MYOM1: variants seen among roughly 807,000 people sequenced by gnomAD.
MYOM1 encodes the protein myomesin 1.
Under a neutral mutation model 205.3 loss-of-function variants are expected in MYOM1, and 164 were observed. The observed-to-expected ratio is 0.80, with a 90% CI of 0.70 to 0.91. The LOEUF (loss-of-function observed/expected upper bound fraction) is 0.91, where lower values mean the gene tolerates loss of function less well. Among genes scored for constraint, MYOM1 ranks in the 40% least tolerant of loss-of-function variants. The probability of loss-of-function intolerance (pLI) is 0.00; values close to 1 mark genes in which losing one functional copy is unlikely to be tolerated. For synonymous variants in MYOM1, 772 were observed against 789.4 expected, an observed-to-expected ratio of 0.98 and a Z score of 0.37; for missense variants, 2,011 against 2,127.3, an observed-to-expected ratio of 0.95 and a Z score of 1.08.
Position 3,166,942 on chromosome 18 carries a change from G to A in MYOM1, c.1339+1875C>T, listed in dbSNP as rs563482107. On this transcript the variant is annotated intron_variant, in intron 9 of 37. Coordinates refer to ENST00000356443, the MANE Select transcript of MYOM1 (RefSeq NM_003803.4). The stretch of plus-strand genomic sequence containing the variant: ...AGAAAACTTTAAGATAAATTAAAAG[G>A]GATGATGAAAGTCCCTAGGCCTTAT... 7.2e-5 allele frequency among the ~76,000 whole-genome samples: 11 copies of A among 152,224 alleles called. No individual in the cohort carries two copies. In the South Asian group the frequency reaches 1.9e-3, roughly 26 times the overall value.
At chr18:3,180,711 C>T (rs7238703) in intron 5 of MYOM1, among the ~76,000 whole-genome samples, 94,641 of 151,898 alleles carry the variant, frequency 0.62, 29,813 homozygotes, top group African/African-American at 0.7. Context: ...CTATGAATTG[C>T]TAATGAGCTT....
chr18:3,193,791 A>G, intron 3 of MYOM1, 27 bp downstream of exon 3: 1 of 1,602,330 alleles, frequency 6.2e-7, no homozygotes, highest in South Asian at 1.1e-5. Flanking sequence ...CTTAAAAATT[A>G]AAGCCAGGAA....
intron 10 of MYOM1, among the ~76,000 whole-genome samples, chr18:3,161,318 G>A (rs999022705): frequency 2.6e-5 from 4 of 152,184 alleles, no homozygotes; most frequent in Non-Finnish European, 5.9e-5. Flanking sequence ...GTTCAATGCC[G>A]ATGTGGTGTG....
chr18:3,084,197 T>C (rs1344642481), intron 31 of MYOM1, among the ~76,000 whole-genome samples, 170 bp from the exon 32 acceptor site: 1 of 152,224 alleles, frequency 6.6e-6, no homozygotes, highest in Non-Finnish European at 1.5e-5. Flanking sequence ...TAGTTCAATT[T>C]TATCAGGTTT....
chr18:3,130,496 G>A (rs1006629707), intron 17 of MYOM1, among the ~76,000 whole-genome samples: 1 of 152,022 alleles, frequency 6.6e-6, no homozygotes, highest in Admixed American at 6.6e-5. Context: ...TTGTTGTCCA[G>A]GGTGGAGTGC....
At chr18:3,173,573 C>CGTGTGTGTGTGTGTGTGT (rs71159051) in intron 8 of MYOM1, among the ~76,000 whole-genome samples, 14 of 136,912 alleles carry the variant, frequency 1.0e-4, no homozygotes, top group African/African-American at 3.0e-4. Context: ...AGTCCAGACT[C>CGTGTGTGTGTGTGTGTGT]GTGTGTGTGT....
rs762481691 is a variant in MYOM1 at position 3,126,773 on chromosome 18, G to A, written c.2919C>T (p.Arg973=). The A allele has an allele frequency of 1.9e-5, 31 of 1,613,682 alleles. No homozygotes were observed. The Admixed American group carries it at 3.2e-4, about 16-fold the overall frequency. Residue 973 remains arginine, a synonymous_variant, in exon 19 of 38, where the codon CGC becomes CGT. Transcript: ENST00000356443. ...TTCCTGGTACCCCATCAATGACCTC[G>A]CGATAGTTCACATAATAGCCAGTAA... ...AEITGYYVNY[R]EVIDGVPGKW...
At chr18:3,199,839 CAA>C (rs796607761) in intron 2 of MYOM1, among the ~76,000 whole-genome samples, 1 of 139,610 alleles carries the variant, frequency 7.2e-6, no homozygotes. Context: ...GACTCCGTCT[CAA>C]AAAAAAAAAA....
chr18:3,214,612 T>A (rs1381872584), intron 2 of MYOM1, among the ~76,000 whole-genome samples: 1 of 151,952 alleles, frequency 6.6e-6, no homozygotes, highest in Admixed American at 6.6e-5. Flanking sequence ...ACACCTGAGG[T>A]CAGGGGCTCA....
chr18:3,151,634 G>T, intron 12 of MYOM1, 60 bp downstream of exon 12: 1 of 1,449,810 alleles, frequency 6.9e-7, no homozygotes, highest in Non-Finnish European at 9.4e-7. Context: ...CAATGAAGCT[G>T]ATTCTTGCAG....
rs144921665 is a variant in MYOM1, at chr18:3,179,376, G to A, written c.930-3242C>T. ...GATGATTTTATTTTAAATAAATAGC[G>A]ATGAGGTCTCACTATGTTGCTCAAG... On this transcript the variant is annotated intron_variant, in intron 5 of 37. Coordinates refer to ENST00000356443, the MANE Select transcript of MYOM1 (RefSeq NM_003803.4). This position sits in a 1 kb window ranked among gnomAD's most constrained non-coding sequence, Gnocchi z 4.4. Among the ~76,000 whole-genome samples the A allele has an allele frequency of 1.3e-5, 2 of 152,220 alleles. No homozygotes were observed. The highest frequency in any genetic ancestry group is 1.9e-4 in the East Asian group (1 of 5,186).
At chr18:3,240,674 TA>T in the MYOM1 span, among the ~76,000 whole-genome samples, 2 of 152,200 alleles carry the variant, frequency 1.3e-5, no homozygotes, top group African/African-American at 4.8e-5. Context: ...GCTGAAAAGA[TA>T]CCCAAAAATG....
Position 3,108,045 on chromosome 18 carries a change from C to A in MYOM1, c.3418+4253G>T, listed in dbSNP as rs1224320369. Among the ~76,000 whole-genome samples the A allele has an allele frequency of 4.6e-5, 7 of 152,212 alleles. No individual in the cohort carries two copies. The East Asian group carries it at 1.3e-3, about 29-fold the overall frequency. The stretch of plus-strand genomic sequence containing the variant: ...CTTTTAGATGTTTTTAAGACTGACC[C>A]CACCCAGACTCCTGACTTGTGACTC... On this transcript the variant is annotated intron_variant, in intron 22 of 37. Coordinates refer to ENST00000356443, the MANE Select transcript of MYOM1 (RefSeq NM_003803.4).
chr18:3,247,020 C>T, the MYOM1 span: 1 of 152,384 alleles, frequency 6.6e-6, no homozygotes, highest in South Asian at 2.1e-4. Flanking sequence ...CTAATCGTAG[C>T]AAGAGGTGCG....
At chr18:3,182,916 T>C (rs554935204) in intron 5 of MYOM1, among the ~76,000 whole-genome samples, 27 of 115,612 alleles carry the variant, frequency 2.3e-4, no homozygotes, top group East Asian at 8.4e-4. Context: ...CTTTCTTCTT[T>C]TTTTTTTTTT....
At chr18:3,079,382 A>T in intron 33 of MYOM1, 40 bp from the exon 34 acceptor site, 1 of 1,567,162 alleles carries the variant, frequency 6.4e-7, no homozygotes, top group African/African-American at 1.4e-5. Context: ...ATTTGCTTCC[A>T]TCCAGGGCTG....
chr18:3,194,743 C>A (rs1217402265), intron 2 of MYOM1, among the ~76,000 whole-genome samples: 2 of 151,904 alleles, frequency 1.3e-5, no homozygotes, highest in Non-Finnish European at 2.9e-5. Flanking sequence ...CAAACATAAA[C>A]AATTTGGCAT....
At position 3,189,695 on chromosome 18, in the gene MYOM1, A is replaced by G. The variant is rs1194243685; in HGVS notation, c.432-608T>C. On this transcript the variant is annotated intron_variant, in intron 3 of 37. Transcript: ENST00000356443. The surrounding 1 kb of genome is among the most constrained non-coding windows in gnomAD (Gnocchi z 4.8). ...ATTATTTCTGTTTTAAATATATGGTAACGAAGTTCAGATAAGTTAGATAAC... is the reference window on the plus strand; with the variant it reads ...ATTATTTCTGTTTTAAATATATGGTGACGAAGTTCAGATAAGTTAGATAAC... Among the ~76,000 whole-genome samples the G allele has an allele frequency of 6.6e-6, 1 of 152,218 alleles. No homozygotes were observed. The highest frequency in any genetic ancestry group is 2.4e-5 in the African/African-American group (1 of 41,452).
In MYOM1 at chr18:3,188,731, A is replaced by C; in HGVS notation, c.771+17T>G. 1 of 1,536,638 alleles carries C rather than the reference A, an allele frequency of 6.5e-7. No homozygotes were observed. Among genetic ancestry groups the C allele is most frequent in the South Asian group, 1.3e-5 (1 of 78,456 alleles). On this transcript the variant is annotated intron_variant, in intron 4 of 37. Coordinates refer to ENST00000356443, the MANE Select transcript of MYOM1 (RefSeq NM_003803.4). ...CATTTCCACCTTTGTAAGTTACTTTAAACTGTCTTTTCTTACTGTTTTCCT... is the reference window on the plus strand; with the variant it reads ...CATTTCCACCTTTGTAAGTTACTTTCAACTGTCTTTTCTTACTGTTTTCCT...
Sources: gnomAD v4.1 joint callset for allele counts (sites outside exome capture counted in the v4.1 genomes callset) on GRCh38, gnomAD v4.1.1 for gene constraint, Gnocchi (gnomAD v3.1) non-coding constraint, MANE v1.5 for transcripts, NCBI Gene and HGNC (gene_info 2026-07-23, HGNC 2026-07-21) for gene names.